Variants in LRRC28 observed in about 807,000 individuals in gnomAD.
LRRC28 encodes the protein leucine-rich repeat-containing protein 28.
A neutral mutation model predicts 45.7 loss-of-function variants in LRRC28; 39 were observed. The ratio of observed to expected loss-of-function variants is 0.85; its 90% CI spans 0.66 to 1.12. The LOEUF is 1.12. LRRC28 is among the 50% of genes most tolerant of loss of function. The pLI is 0.00. For missense variants in LRRC28, 435 were observed against 438.5 expected, an observed-to-expected ratio of 0.99 and a Z score of 0.07; for synonymous variants, 206 against 178.8, an observed-to-expected ratio of 1.15 and a Z score of -1.22.
At chr15:99,309,726 C>T (rs957849445) in intron 5 of LRRC28, among the ~76,000 whole-genome samples, 1 of 152,104 alleles carries the variant, frequency 6.6e-6, no homozygotes, top group Admixed American at 6.6e-5. Context: ...CTTTTAAAAG[C>T]TTTTGGGTGC....
At chr15:99,320,927 A>G (rs189651037) in intron 5 of LRRC28, among the ~76,000 whole-genome samples, 6 of 152,346 alleles carry the variant, frequency 3.9e-5, no homozygotes, top group Admixed American at 2.6e-4. Context: ...TTTAAGTTCA[A>G]ATAAGATCTA....
chr15:99,329,806 A>G (rs1956101480), intron 5 of LRRC28, among the ~76,000 whole-genome samples: 2 of 152,168 alleles, frequency 1.3e-5, no homozygotes. Flanking sequence ...CATGCAGCTG[A>G]CTGCAGTTAT....
intron 5 of LRRC28, among the ~76,000 whole-genome samples, chr15:99,322,138 G>GT (rs1257084444): frequency 6.6e-6 from 1 of 152,144 alleles, no homozygotes; most frequent in African/African-American, 2.4e-5. Context: ...GAAGGACAAG[G>GT]TAATTAGATT....
At chr15:99,278,341 C>G (rs948236246) in intron 3 of LRRC28, among the ~76,000 whole-genome samples, 1 of 152,194 alleles carries the variant, frequency 6.6e-6, no homozygotes, top group Non-Finnish European at 1.5e-5. Context: ...CTCTGCCTCC[C>G]AGGTTCAAGC....
chr15:99,344,653 A>G (rs1043675975), intron 6 of LRRC28, among the ~76,000 whole-genome samples: 23 of 152,234 alleles, frequency 1.5e-4, no homozygotes, highest in Non-Finnish European at 1.6e-4. Flanking sequence ...GCATTTTTAA[A>G]TTATCAACTC....
At chr15:99,264,546 G>A (rs552458082) in intron 2 of LRRC28, among the ~76,000 whole-genome samples, 36 of 152,300 alleles carry the variant, frequency 2.4e-4, no homozygotes, top group Admixed American at 2.0e-3. Context: ...CCACTTCAGC[G>A]GGAGCAGCTC....
intron 6 of LRRC28, among the ~76,000 whole-genome samples, chr15:99,340,717 G>C (rs538166863): frequency 1.2e-4 from 19 of 152,318 alleles, no homozygotes; most frequent in Admixed American, 1.0e-3. Context: ...GTTGGAGTGA[G>C]TTCTGTGTTT....
At chr15:99,324,130 T>C (rs1305082518) in intron 5 of LRRC28, among the ~76,000 whole-genome samples, 2 of 152,182 alleles carry the variant, frequency 1.3e-5, no homozygotes, top group African/African-American at 4.8e-5. Context: ...CTCAACCTTA[T>C]ATCCACTACG....
intron 5 of LRRC28, among the ~76,000 whole-genome samples, chr15:99,302,475 G>C (rs1955018610): frequency 6.6e-6 from 1 of 151,870 alleles, no homozygotes; most frequent in Non-Finnish European, 1.5e-5. Context: ...TGCAACCTCT[G>C]CCTCCCCGGT....
Position 99,266,686 on chromosome 15 carries a change from T to C in LRRC28, c.169-9890T>C, listed in dbSNP as rs140574321. Among the ~76,000 whole-genome samples, 969 of 152,338 alleles carry C rather than the reference T, an allele frequency of 6.4e-3. 14 individuals carry two copies. Among genetic ancestry groups the C allele is most frequent in the African/African-American group, 0.022 (909 of 41,570 alleles). Reference sequence around the variant, plus strand: ...GAAAAGTCTGGTGAACAAGAGTGTTTATCACAAAATTGAATATGATGAAAA... The same window carrying C: ...GAAAAGTCTGGTGAACAAGAGTGTTCATCACAAAATTGAATATGATGAAAA... On this transcript the variant is annotated intron_variant, in intron 2 of 9. Coordinates refer to ENST00000301981, the MANE Select transcript of LRRC28 (RefSeq NM_144598.5).
intron 2 of LRRC28, among the ~76,000 whole-genome samples, chr15:99,274,959 T>C (rs1408211779): frequency 6.6e-6 from 1 of 152,198 alleles, no homozygotes; most frequent in African/African-American, 2.4e-5. Flanking sequence ...CATTCCTGAT[T>C]CATTATTATT....
At chr15:99,268,879 T>C (rs892202163) in intron 2 of LRRC28, among the ~76,000 whole-genome samples, 1 of 152,234 alleles carries the variant, frequency 6.6e-6, no homozygotes, top group Non-Finnish European at 1.5e-5. Flanking sequence ...GAGAAGACAC[T>C]TGATGCTTGT....
rs748302857 is a variant in LRRC28, at chr15:99,287,799, CT to C, written c.248-11del. ...TGAGTCAAATTCATTTTGCCTTCTC[CT>C]TTTCTCTTTGAAGCCATTGGGTCTC... On this transcript the variant is annotated splice_polypyrimidine_tract_variant and intron_variant, in intron 4 of 9. Transcript: ENST00000301981. The C allele has an allele frequency of 5.7e-6, 9 of 1,586,504 alleles. No homozygotes were observed. The African/African-American group carries it at 1.1e-4, about 19-fold the overall frequency.
At chr15:99,325,596 C>G (rs1409161657) in intron 5 of LRRC28, among the ~76,000 whole-genome samples, 1 of 152,130 alleles carries the variant, frequency 6.6e-6, no homozygotes, top group Non-Finnish European at 1.5e-5. Flanking sequence ...TTGTAGATGC[C>G]CCTTATTGGT....
Position 99,363,132 on chromosome 15 carries a change from T to C in LRRC28, c.898T>C (p.Leu300=). The C allele has an allele frequency of 6.2e-7, 1 of 1,611,124 alleles. No homozygotes were observed. The part of the protein sequence containing the change: ...KDLNFLSPIS[L]PRSLLELLHC... ...TTTGAACTTTCTGTCTCCAATCTCA[T>C]TACCCAGAAGTCTCCTAGAGCTGCT... Residue 300 remains leucine, a synonymous_variant, in exon 9 of 10, where the codon TTA becomes CTA. Coordinates refer to ENST00000301981, the MANE Select transcript of LRRC28 (RefSeq NM_144598.5).
rs1311309563 is a variant in LRRC28, at chr15:99,290,267, AAG to A, written c.385+2318_385+2319del. On this transcript the variant is annotated intron_variant, in intron 5 of 9. Transcript: ENST00000301981. ...GAGTGAGACCCTGCCTCAAAAAAAAAAGAAAAAAAGAAAAAAATGGCACCAGT... is the reference window on the plus strand; with the variant it reads ...GAGTGAGACCCTGCCTCAAAAAAAAAAAAAAAAGAAAAAAATGGCACCAGT... Among the ~76,000 whole-genome samples the A allele has an allele frequency of 3.1e-3, 468 of 150,866 alleles. 2 individuals carry two copies. Among genetic ancestry groups the A allele is most frequent in the Non-Finnish European group, 5.3e-3 (357 of 67,762 alleles).
chr15:99,306,953 A>C (rs1955206052), intron 5 of LRRC28, among the ~76,000 whole-genome samples: 1 of 152,210 alleles, frequency 6.6e-6, no homozygotes, highest in South Asian at 2.1e-4. Flanking sequence ...AGTTTGGAGA[A>C]GAGCCTTCAG....
intron 9 of LRRC28, among the ~76,000 whole-genome samples, chr15:99,381,449 G>C (rs1957820677): frequency 6.6e-6 from 1 of 152,120 alleles, no homozygotes; most frequent in Non-Finnish European, 1.5e-5. Context: ...TTTTTTCAGG[G>C]TTTTTAGCTT....
intron 7 of LRRC28, among the ~76,000 whole-genome samples, chr15:99,356,357 G>C (rs903167610): frequency 1.3e-5 from 2 of 151,784 alleles, no homozygotes; most frequent in South Asian, 2.1e-4. Context: ...GAAAAATAGA[G>C]ACTAAAAAAA....
Sources: allele counts gnomAD v4.1 joint callset (sites outside exome capture counted in the v4.1 genomes callset), GRCh38; gene constraint gnomAD v4.1.1; transcripts MANE v1.5; gene names NCBI Gene and HGNC (gene_info 2026-07-23, HGNC 2026-07-21).